C1orf21: variants seen among roughly 807,000 people sequenced by gnomAD.
C1orf21 encodes uncharacterized protein C1orf21.
C1orf21 carries 3 observed loss-of-function variants against 18.7 expected under a neutral mutation model. That is an observed-to-expected ratio of 0.16 (90% CI 0.07 to 0.42). The LOEUF is 0.42. Among genes scored for constraint, C1orf21 ranks in the 10% least tolerant of loss-of-function variants. C1orf21 has a pLI of 0.99. For missense variants in C1orf21, 104 were observed against 143.6 expected (o/e 0.72, Z 1.41); for synonymous variants, 41 against 46.4 (o/e 0.88, Z 0.47).
chr1:184,430,029 G>A (rs111453342), intron 1 of C1orf21, among the ~76,000 whole-genome samples: 5 of 151,036 alleles, frequency 3.3e-5, no homozygotes, highest in South Asian at 4.2e-4. Context: ...GGAGAATGGC[G>A]TGAACCCGGG....
At chr1:184,501,824 C>T (rs1657980673) in intron 2 of C1orf21, among the ~76,000 whole-genome samples, 1 of 152,040 alleles carries the variant, frequency 6.6e-6, no homozygotes, top group African/African-American at 2.4e-5. Context: ...CCAGAAGTGT[C>T]CCCATAAAAT....
chr1:184,598,358 G>T, intron 4 of C1orf21, 43 bp from the exon 5 acceptor site: 7 of 1,587,488 alleles, frequency 4.4e-6, no homozygotes, highest in South Asian at 2.3e-5. Flanking sequence ...ACCAGGTTTA[G>T]CAAAGCACTA....
rs936231536 is a variant in C1orf21 at position 184,626,867 on chromosome 1, G to A, written c.*7311G>A. ...CACTAAGGCGAAAAATACCGTTTGG[G>A]ACCAGGCTGGCCTAGACCCAGGGAT... On this transcript the variant is annotated 3_prime_UTR_variant, in exon 6 of 6. Coordinates refer to ENST00000235307, the MANE Select transcript of C1orf21 (RefSeq NM_030806.4). 6 of 152,522 alleles carry A rather than the reference G, an allele frequency of 3.9e-5. No individual in the cohort carries two copies. Among genetic ancestry groups the A allele is most frequent in the African/African-American group, 1.4e-4 (6 of 41,418 alleles). 9.4% of individuals were successfully genotyped at this position (152,522 alleles called of 1,614,324 possible).
intron 5 of C1orf21, among the ~76,000 whole-genome samples, chr1:184,602,591 GA>G (rs1383953609): frequency 6.6e-6 from 1 of 152,140 alleles, no homozygotes; most frequent in Non-Finnish European, 1.5e-5. Context: ...GTTTTCTGTG[GA>G]GCAAAATAGT....
In C1orf21 at chr1:184,619,996, C is replaced by T. The variant is rs1160883597; in HGVS notation, c.*440C>T. 1.2e-5 allele frequency: 2 copies of T among 165,922 alleles called. No individual in the cohort carries two copies. Among genetic ancestry groups the T allele is most frequent in the African/African-American group, 4.8e-5 (2 of 41,544 alleles). The allele number at this position is 165,922 out of a possible 1,614,324, so 10.3% of individuals were successfully genotyped here. A position where few individuals can be genotyped will look rare whatever the true frequency, so the allele number is the denominator to read the frequency against. ...CCTGCCCTCTCTCCTTCCTCCCCAT[C>T]TCTCGCACGCAGTCTAGAGATGGAC... On this transcript the variant is annotated 3_prime_UTR_variant, in exon 6 of 6. Transcript: ENST00000235307.
At chr1:184,420,483 A>T (rs541602409) in intron 1 of C1orf21, among the ~76,000 whole-genome samples, 1 of 152,342 alleles carries the variant, frequency 6.6e-6, no homozygotes, top group Non-Finnish European at 1.5e-5. Context: ...TGGTGCTAAA[A>T]GTTAGGCCTG....
intron 1 of C1orf21, among the ~76,000 whole-genome samples, chr1:184,408,585 A>G (rs749713079): frequency 6.6e-6 from 1 of 152,174 alleles, no homozygotes; most frequent in Non-Finnish European, 1.5e-5. Context: ...ATCCAGATCA[A>G]CAAAGGTTAT....
intron 1 of C1orf21, among the ~76,000 whole-genome samples, chr1:184,416,138 G>A (rs1656447619): frequency 6.6e-6 from 1 of 152,098 alleles, no homozygotes; most frequent in South Asian, 2.1e-4. Context: ...GTCACCCCTG[G>A]CAAACTGAAT....
chr1:184,534,855 T>C (rs938523936), intron 3 of C1orf21, among the ~76,000 whole-genome samples: 1 of 151,710 alleles, frequency 6.6e-6, no homozygotes, highest in African/African-American at 2.4e-5. Context: ...AGGTCGTAAA[T>C]ATGGAAGAGA....
intron 3 of C1orf21, among the ~76,000 whole-genome samples, chr1:184,586,558 C>T (rs1659356970): frequency 1.3e-5 from 2 of 152,154 alleles, no homozygotes; most frequent in South Asian, 2.1e-4. Flanking sequence ...GCTGGGATTA[C>T]AGGCGTGAGC....
rs554592469 is a variant in C1orf21, at chr1:184,614,894, T to G, written c.328-4624T>G. 1.6e-3 allele frequency among the ~76,000 whole-genome samples: 245 copies of G among 152,298 alleles called. 1 individual carries two copies. The highest frequency in any genetic ancestry group is 3.0e-3 in the Non-Finnish European group (206 of 68,020). On this transcript the variant is annotated intron_variant, in intron 5 of 5. Transcript: ENST00000235307. The stretch of plus-strand genomic sequence containing the variant: ...TCAGCTTCACTCACTCGCCTGTCGC[T>G]CACTTCATGCTGTGTGGCCTAATTC...
At chr1:184,470,813 C>T (rs1039595020) in intron 1 of C1orf21, among the ~76,000 whole-genome samples, 4 of 151,492 alleles carry the variant, frequency 2.6e-5, no homozygotes, top group African/African-American at 7.3e-5. Flanking sequence ...CAGGAGGTGG[C>T]GGTTGCAGTG....
intron 2 of C1orf21, among the ~76,000 whole-genome samples, chr1:184,479,453 T>C (rs1472679363): frequency 6.6e-6 from 1 of 152,164 alleles, no homozygotes; most frequent in Non-Finnish European, 1.5e-5. Context: ...TTGTGAAATA[T>C]GTGCTACGCA....
intron 1 of C1orf21, among the ~76,000 whole-genome samples, chr1:184,405,343 GTGCCACCA>G (rs1656227848): frequency 6.6e-6 from 1 of 151,982 alleles, no homozygotes; most frequent in Non-Finnish European, 1.5e-5. Context: ...CTTCAGGAGT[GTGCCACCA>G]TGCCTGGCAA....
intron 3 of C1orf21, among the ~76,000 whole-genome samples, chr1:184,551,394 CA>C (rs1658810443): frequency 6.6e-6 from 1 of 152,086 alleles, no homozygotes; most frequent in Non-Finnish European, 1.5e-5. Flanking sequence ...GTGTGAGGAA[CA>C]AAACCAACTC....
At chr1:184,476,558 G>A (rs7548188) in intron 1 of C1orf21, among the ~76,000 whole-genome samples, 25,905 of 152,170 alleles carry the variant, frequency 0.17, 2,612 homozygotes, top group African/African-American at 0.28. Flanking sequence ...GGATGGGGCA[G>A]GGAAAGGTAA....
chr1:184,511,318 G>A (rs188655608), intron 3 of C1orf21, among the ~76,000 whole-genome samples: 1 of 152,268 alleles, frequency 6.6e-6, no homozygotes, highest in South Asian at 2.1e-4. Flanking sequence ...GGAGACAAAA[G>A]CACATCATAC....
intron 3 of C1orf21, among the ~76,000 whole-genome samples, chr1:184,520,541 A>G (rs1352793284): frequency 1.3e-5 from 2 of 152,196 alleles, no homozygotes; most frequent in Non-Finnish European, 2.9e-5. Flanking sequence ...CAAAGAGAAC[A>G]GAGAATCTCA....
chr1:184,410,552 T>A (rs1172114191), intron 1 of C1orf21, among the ~76,000 whole-genome samples: 1 of 131,460 alleles, frequency 7.6e-6, no homozygotes, highest in Admixed American at 8.1e-5. Context: ...CAGATTTTCT[T>A]CTAATACATA....
Sources: allele counts gnomAD v4.1 joint callset (sites outside exome capture counted in the v4.1 genomes callset), GRCh38; gene constraint gnomAD v4.1.1; transcripts MANE v1.5; gene names NCBI Gene and HGNC (gene_info 2026-07-23, HGNC 2026-07-21).